GCNT1: variants seen among roughly 807,000 people sequenced by gnomAD.
GCNT1 encodes the protein glucosaminyl (N-acetyl) transferase 1.
In GCNT1, 16 loss-of-function variants were observed where a neutral mutation model predicts 26.2. The observed-to-expected ratio is 0.61, with a 90% CI of 0.41 to 0.93. The LOEUF (loss-of-function observed/expected upper bound fraction) is 0.93, where lower values mean the gene tolerates loss of function less well. GCNT1 is among the 40% of genes least tolerant of loss of function. The pLI is 0.00. For synonymous variants in GCNT1, 183 were observed against 190.8 expected, an observed-to-expected ratio of 0.96 and a Z score of 0.34; for missense variants, 477 against 526.7, an observed-to-expected ratio of 0.91 and a Z score of 0.92.
At chr9:76,474,772 C>A (rs187028188) in intron 2 of GCNT1, among the ~76,000 whole-genome samples, 306 of 152,252 alleles carry the variant, frequency 2.0e-3, no homozygotes, top group Non-Finnish European at 3.4e-3. Flanking sequence ...TCCCAGTTGG[C>A]AATTTTTAAA....
the GCNT1 span, among the ~76,000 whole-genome samples, chr9:76,407,690 T>C: frequency 6.6e-6 from 1 of 152,216 alleles, no homozygotes. Flanking sequence ...CTGTTGAATC[T>C]ATAGATCGCA....
intron 1 of GCNT1, chr9:76,420,139 G>GT (rs1005374648): frequency 5.9e-5 from 9 of 152,226 alleles, no homozygotes; most frequent in African/African-American, 1.9e-4. Flanking sequence ...ACAGATTTGT[G>GT]TTGCCAGAGC....
chr9:76,456,594 G>T (rs1282583034), upstream of GCNT1, among the ~76,000 whole-genome samples: 1 of 152,242 alleles, frequency 6.6e-6, no homozygotes, highest in East Asian at 1.9e-4. Context: ...TTCTGACTGG[G>T]CCCTGACTGA....
At chr9:76,453,041 A>G (rs1487403669) in intron 1 of GCNT1, among the ~76,000 whole-genome samples, 1 of 152,168 alleles carries the variant, frequency 6.6e-6, no homozygotes, top group Non-Finnish European at 1.5e-5. Flanking sequence ...TGCAATTCCC[A>G]TGTGGCTCTG....
At chr9:76,394,007 C>G in the GCNT1 span, 1 of 1,363,750 alleles carries the variant, frequency 7.3e-7, no homozygotes, top group South Asian at 1.3e-5. Flanking sequence ...AGGCCCCACG[C>G]CCCGGTCCCA....
intron 2 of GCNT1, among the ~76,000 whole-genome samples, chr9:76,473,640 G>A (rs897806472): frequency 3.3e-5 from 5 of 152,102 alleles, no homozygotes; most frequent in Non-Finnish European, 5.9e-5. Flanking sequence ...AAGTTAATTA[G>A]TTTTTTAAAA....
chr9:76,413,653 G>GTTTTGTTTTTTTTGTTTTTTTTTT, the GCNT1 span, among the ~76,000 whole-genome samples: 8 of 118,660 alleles, frequency 6.7e-5, no homozygotes, highest in East Asian at 2.7e-4. Flanking sequence ...GTTTTGTTTT[G>GTTTTGTTTTTTTTGTTTTTTTTTT]TTTTTTTTTT....
the GCNT1 span, among the ~76,000 whole-genome samples, chr9:76,407,658 T>G: frequency 6.6e-6 from 1 of 152,222 alleles, no homozygotes; most frequent in African/African-American, 2.4e-5. Flanking sequence ...CAAAATAACT[T>G]GCTGGGAATT....
intron 2 of GCNT1, among the ~76,000 whole-genome samples, chr9:76,499,366 G>T (rs557931342): frequency 6.6e-6 from 1 of 152,204 alleles, no homozygotes; most frequent in African/African-American, 2.4e-5. Context: ...GACCTCAAGT[G>T]ATCCGCCCAC....
At chr9:76,497,278 A>G (rs1043131039) in intron 2 of GCNT1, among the ~76,000 whole-genome samples, 5 of 152,056 alleles carry the variant, frequency 3.3e-5, no homozygotes, top group Non-Finnish European at 5.9e-5. Flanking sequence ...GCGCATTTTT[A>G]CTTCCCTTTA....
chr9:76,475,909 T>G (rs1466008213), intron 2 of GCNT1, among the ~76,000 whole-genome samples: 1 of 152,196 alleles, frequency 6.6e-6, no homozygotes, highest in Non-Finnish European at 1.5e-5. Flanking sequence ...TCACTTCTGT[T>G]TGACTTCACA....
upstream of GCNT1, among the ~76,000 whole-genome samples, chr9:76,454,515 G>A (rs1229441726): frequency 1.3e-5 from 2 of 151,950 alleles, no homozygotes; most frequent in African/African-American, 4.8e-5. Flanking sequence ...CTTGGGAGGG[G>A]ATGTGATATG....
At chr9:76,429,778 A>C (rs760314200) in intron 1 of GCNT1, among the ~76,000 whole-genome samples, 8 of 148,870 alleles carry the variant, frequency 5.4e-5, no homozygotes, top group Non-Finnish European at 1.2e-4. Flanking sequence ...TCAGTGGCGC[A>C]ATCTCGGCTC....
chr9:76,429,936 G>A lies in GCNT1; in HGVS notation n.38+10049G>A, dbSNP rs558327418. ...TCACCATGTTAGCCAGGATGGTCTCGATCTCCTGACCTTGTGATCTGCCCG... is the reference window on the plus strand; with the variant it reads ...TCACCATGTTAGCCAGGATGGTCTCAATCTCCTGACCTTGTGATCTGCCCG... On this transcript the variant is annotated intron_variant and non_coding_transcript_variant, in intron 1 of 3. Transcript: ENST00000488136. Among the ~76,000 whole-genome samples the A allele has an allele frequency of 4.6e-5, 7 of 152,074 alleles. No individual in the cohort carries two copies. The East Asian group carries it at 7.7e-4, about 17-fold the overall frequency.
chr9:76,400,942 C>A, the GCNT1 span, among the ~76,000 whole-genome samples: 1 of 152,242 alleles, frequency 6.6e-6, no homozygotes, highest in Non-Finnish European at 1.5e-5. Flanking sequence ...AAGGGGGACT[C>A]TGGCTCTTAC....
At chr9:76,480,976 C>T (rs566682379) in intron 2 of GCNT1, among the ~76,000 whole-genome samples, 5 of 152,044 alleles carry the variant, frequency 3.3e-5, no homozygotes, top group East Asian at 1.9e-4. Flanking sequence ...TGGTGTCTCA[C>T]GCCTGTAATC....
intron 2 of GCNT1, among the ~76,000 whole-genome samples, chr9:76,489,224 C>A (rs1390141100): frequency 6.6e-6 from 1 of 152,170 alleles, no homozygotes; most frequent in African/African-American, 2.4e-5. Flanking sequence ...TTTTACATGA[C>A]CTTGCCTTGA....
chr9:76,502,207 A>G (rs971719993), intron 3 of GCNT1, 32 bp from the exon 4 acceptor site: 9 of 241,904 alleles, frequency 3.7e-5, no homozygotes, highest in Non-Finnish European at 6.9e-5. Context: ...ATATATATTT[A>G]TTTATATTTA....
intron 3 of GCNT1, chr9:76,501,883 T>G (rs1476950440): frequency 6.6e-6 from 1 of 152,262 alleles, no homozygotes; most frequent in African/African-American, 2.4e-5. Flanking sequence ...GTTCAATCAT[T>G]ATTGCCTAGG....
Sources: allele counts gnomAD v4.1 joint callset (sites outside exome capture counted in the v4.1 genomes callset), GRCh38; gene constraint gnomAD v4.1.1; transcripts MANE v1.5; gene names NCBI Gene and HGNC (gene_info 2026-07-23, HGNC 2026-07-21).